Variants in RIC3 observed in about 807,000 individuals in gnomAD.
The protein encoded by RIC3 is protein RIC-3.
RIC3 carries 28 observed loss-of-function variants against 27.3 expected under a neutral mutation model. The observed-to-expected ratio is 1.02, with a 90% CI of 0.76 to 1.41. The LOEUF is 1.41. RIC3 is among the 40% of genes most tolerant of loss of function. RIC3 has a pLI of 0.00. For synonymous variants in RIC3, 184 were observed against 160.4 expected (o/e 1.15, Z -1.11); for missense variants, 501 against 444.7 (o/e 1.13, Z -1.14).
intron 5 of RIC3, among the ~76,000 whole-genome samples, chr11:8,116,084 T>C (rs1053675062): frequency 1.3e-5 from 2 of 151,996 alleles, no homozygotes; most frequent in Admixed American, 1.3e-4. Context: ...AGCCCAGAAA[T>C]AAATCCACAT....
chr11:8,118,015 G>A (rs993765246), intron 5 of RIC3, among the ~76,000 whole-genome samples: 7 of 151,844 alleles, frequency 4.6e-5, no homozygotes, highest in African/African-American at 1.7e-4. Flanking sequence ...GAGGTCAGGA[G>A]ATCAAGACCA....
chr11:8,101,639 G>C, downstream of RIC3: 1 of 1,613,598 alleles, frequency 6.2e-7, no homozygotes, highest in Non-Finnish European at 8.5e-7. Context: ...CGTGCCCTTT[G>C]GGGTTGCCCA....
chr11:8,162,390 T>G (rs904786797), intron 1 of RIC3, among the ~76,000 whole-genome samples: 1 of 152,232 alleles, frequency 6.6e-6, no homozygotes, highest in African/African-American at 2.4e-5. Flanking sequence ...ACTACAACAA[T>G]CTTCTCCCTG....
chr11:8,116,487 A>G (rs2133405611), intron 5 of RIC3, among the ~76,000 whole-genome samples: 1 of 152,344 alleles, frequency 6.6e-6, no homozygotes, highest in Admixed American at 6.5e-5. Context: ...GAGACAATCT[A>G]TGTAATGGGA....
At chr11:8,137,595 C>A in intron 3 of RIC3, 124 bp from the exon 4 acceptor site, 1 of 580,864 alleles carries the variant, frequency 1.7e-6, no homozygotes. Context: ...TTGAAGAACA[C>A]CGCAGTTTTA....
rs574657637 is a variant in RIC3 at position 8,114,368 on chromosome 11, G to A, written c.671-3231C>T. On this transcript the variant is annotated intron_variant, in intron 5 of 5. Coordinates refer to ENST00000309737, the MANE Select transcript of RIC3 (RefSeq NM_001206671.4). ...CTTGTAATCTCACACACTTTAGGAG[G>A]CCAAGACAAATGGATCACCTGAGGT... 7.9e-5 allele frequency among the ~76,000 whole-genome samples: 12 copies of A among 152,170 alleles called. No individual in the cohort carries two copies. The East Asian group carries it at 2.3e-3, about 29-fold the overall frequency.
At chr11:8,095,455 C>A in the RIC3 span, 2 of 1,567,220 alleles carry the variant, frequency 1.3e-6, no homozygotes, top group Non-Finnish European at 1.7e-6. Context: ...AGGCCCTCCT[C>A]TCCTCCTCCT....
rs769299880 is a variant in RIC3, at chr11:8,139,954, T to C, written c.351+13A>G. ...TTTCATTGATGTAATATGATTAGGA[T>C]GATTCTACTTACCTTAAATAGAATG... On this transcript the variant is annotated intron_variant, in intron 2 of 5. Coordinates refer to ENST00000309737, the MANE Select transcript of RIC3 (RefSeq NM_001206671.4). The C allele has an allele frequency of 1.9e-6, 3 of 1,599,892 alleles. No individual in the cohort carries two copies. Among genetic ancestry groups the C allele is most frequent in the Non-Finnish European group, 8.6e-7 (1 of 1,167,598 alleles).
At chr11:8,134,912 A>G (rs1948194514) in intron 4 of RIC3, among the ~76,000 whole-genome samples, 2 of 152,108 alleles carry the variant, frequency 1.3e-5, no homozygotes, top group Admixed American at 1.3e-4. Flanking sequence ...AGATGAGTAG[A>G]TTGCAACAAT....
chr11:8,096,408 G>T, the RIC3 span, among the ~76,000 whole-genome samples: 1 of 152,212 alleles, frequency 6.6e-6, no homozygotes, highest in East Asian at 1.9e-4. Flanking sequence ...GTAATGTAGG[G>T]ACTGAGCTGA....
At chr11:8,168,387 C>G (rs1489317440) in intron 1 of RIC3, among the ~76,000 whole-genome samples, 1 of 152,120 alleles carries the variant, frequency 6.6e-6, no homozygotes, top group African/African-American at 2.4e-5. Flanking sequence ...AAGCAGTGAG[C>G]GCCCAGCACC....
At chr11:8,148,199 T>C (rs778939661) in intron 1 of RIC3, among the ~76,000 whole-genome samples, 1 of 152,104 alleles carries the variant, frequency 6.6e-6, no homozygotes, top group Non-Finnish European at 1.5e-5. Context: ...ATATGGAAAA[T>C]TTTGAAAAGA....
Position 8,107,989 on chromosome 11 carries a change from C to T in RIC3, c.*2709G>A, listed in dbSNP as rs990492442. 1 of 152,062 alleles carries T rather than the reference C, an allele frequency of 6.6e-6. No individual in the cohort carries two copies. The highest frequency in any genetic ancestry group is 1.5e-5 in the Non-Finnish European group (1 of 68,022). The allele number at this position is 152,062 out of a possible 1,614,324, so 9.4% of individuals were successfully genotyped here. A position where few individuals can be genotyped will look rare whatever the true frequency, so the allele number is the denominator to read the frequency against. ...TATATACACATATAACTGTCATCCC[C>T]GAAGGATAAAATAATTCTGGAAAAT... is the stretch of plus-strand genomic sequence containing the variant. On this transcript the variant is annotated 3_prime_UTR_variant, in exon 6 of 6. Transcript: ENST00000309737.
At chr11:8,099,457 G>T in the RIC3 span, among the ~76,000 whole-genome samples, 1 of 152,260 alleles carries the variant, frequency 6.6e-6, no homozygotes, top group Admixed American at 6.5e-5. Flanking sequence ...CCATCAGTAA[G>T]TAATCCACAG....
the RIC3 span, chr11:8,094,094 C>G: frequency 6.2e-7 from 1 of 1,614,176 alleles, no homozygotes; most frequent in Non-Finnish European, 8.5e-7. Context: ...GCCACGCGCC[C>G]AACAGCACCA....
At chr11:8,164,369 G>A (rs1316088678) in intron 1 of RIC3, among the ~76,000 whole-genome samples, 2 of 152,066 alleles carry the variant, frequency 1.3e-5, no homozygotes, top group African/African-American at 2.4e-5. Context: ...CTTATTCAAA[G>A]GGCACCATCA....
intron 5 of RIC3, among the ~76,000 whole-genome samples, chr11:8,118,730 G>A (rs1946143194): frequency 6.6e-6 from 1 of 151,748 alleles, no homozygotes; most frequent in South Asian, 2.1e-4. Flanking sequence ...AATTAGCCAG[G>A]AGTGATGGCG....
chr11:8,158,447 AAC>A (rs1427088129), intron 1 of RIC3, among the ~76,000 whole-genome samples: 1 of 152,094 alleles, frequency 6.6e-6, no homozygotes, highest in African/African-American at 2.4e-5. Flanking sequence ...AGCCACCTCC[AAC>A]ACAGAGTGGC....
Position 8,110,747 on chromosome 11 carries a change from G to A in RIC3, c.1061C>T (p.Ala354Val). 6.2e-7 allele frequency: 1 copy of A among 1,614,216 alleles called. No individual in the cohort carries two copies. The highest frequency in any genetic ancestry group is 8.5e-7 in the Non-Finnish European group (1 of 1,180,034). Residue 354 changes from alanine to valine, a missense_variant, in exon 6 of 6, where the codon GCA becomes GTA. Ala to Val is a moderately conservative substitution (Grantham distance 64, BLOSUM62 0). Transcript: ENST00000309737. Reference protein sequence around the residue: ...DEGLGISTDKAYTGSMLRKRN... With the variant: ...DEGLGISTDKVYTGSMLRKRN... ...CTTCCTCAGCATGCTGCCTGTATATGCTTTATCGGTGCTGATGCCCAACCC... is the reference window on the plus strand; with the variant it reads ...CTTCCTCAGCATGCTGCCTGTATATACTTTATCGGTGCTGATGCCCAACCC...
Sources: allele counts gnomAD v4.1 joint callset (sites outside exome capture counted in the v4.1 genomes callset), GRCh38; gene constraint gnomAD v4.1.1; transcripts MANE v1.5; gene names NCBI Gene and HGNC (gene_info 2026-07-23, HGNC 2026-07-21).